The following PLCB1 variants were observed in gnomAD, a reference collection of about 807,000 sequenced individuals.
The protein encoded by PLCB1 is 1-phosphatidylinositol 4,5-bisphosphate phosphodiesterase beta-1.
A neutral mutation model predicts 161.8 loss-of-function variants in PLCB1; 46 were observed. That is an observed-to-expected ratio of 0.28 (90% CI 0.22 to 0.36). The LOEUF is 0.36. Ranked by LOEUF, PLCB1 falls within the 10% of genes least tolerant of loss-of-function variation. The pLI, the probability that PLCB1 is intolerant of heterozygous loss-of-function variation, is 1.00. For synonymous variants in PLCB1, 517 were observed against 503.7 expected (o/e 1.03, Z -0.35); for missense variants, 1,016 against 1,472.5 (o/e 0.69, Z 5.07).
intron 3 of PLCB1, among the ~76,000 whole-genome samples, chr20:8,604,532 T>C (rs1419896507): frequency 1.3e-5 from 2 of 152,160 alleles, no homozygotes; most frequent in Non-Finnish European, 2.9e-5. Flanking sequence ...AAGCTGTGAT[T>C]TGAGTGCTTT....
intron 2 of PLCB1, among the ~76,000 whole-genome samples, chr20:8,248,480 T>C (rs1980990761): frequency 1.3e-5 from 2 of 151,874 alleles, no homozygotes; most frequent in Admixed American, 1.3e-4. Flanking sequence ...ATGTAAAAGC[T>C]GGGAATGGGA....
chr20:8,542,183 C>T (rs1054564478), intron 3 of PLCB1, among the ~76,000 whole-genome samples: 2 of 152,126 alleles, frequency 1.3e-5, no homozygotes, highest in Admixed American at 6.6e-5. Context: ...GTCCGTGAAC[C>T]GATTTCCACG....
intron 2 of PLCB1, among the ~76,000 whole-genome samples, chr20:8,297,120 A>G (rs965031098): frequency 2.0e-5 from 3 of 152,234 alleles, no homozygotes; most frequent in Middle Eastern, 3.4e-3. Context: ...GTACATGTAC[A>G]CACAATATAT....
intron 5 of PLCB1, 73 bp from the exon 6 acceptor site, chr20:8,647,827 G>T: frequency 8.7e-7 from 1 of 1,144,168 alleles, no homozygotes; most frequent in Non-Finnish European, 1.3e-6. Flanking sequence ...GCTTTTTTGA[G>T]TGTATTTTAT....
intron 2 of PLCB1, among the ~76,000 whole-genome samples, chr20:8,287,656 C>G (rs1315183875): frequency 2.0e-5 from 3 of 152,172 alleles, no homozygotes; most frequent in Non-Finnish European, 4.4e-5. Flanking sequence ...GATGGATGTA[C>G]AAAGAATCAG....
At chr20:8,762,447 T>A (rs1982090996) in intron 25 of PLCB1, among the ~76,000 whole-genome samples, 1 of 152,210 alleles carries the variant, frequency 6.6e-6, no homozygotes, top group Admixed American at 6.5e-5. Flanking sequence ...AGGAACAGCC[T>A]CTCTCATCTA....
In PLCB1 at chr20:8,733,526, T is replaced by C. The variant is rs1242045982; in HGVS notation, c.2043+134T>C. The stretch of plus-strand genomic sequence containing the variant: ...ACTTTCTTCCTACATTTTTTTTCTC[T>C]AAAGATCAAATACACATTAAAAGTT... On this transcript the variant is annotated intron_variant, in intron 19 of 31. Coordinates refer to ENST00000338037, the MANE Select transcript of PLCB1 (RefSeq NM_015192.4). The C allele has an allele frequency of 5.1e-6, 4 of 788,776 alleles. No individual in the cohort carries two copies. The Admixed American group carries it at 1.1e-4, about 21-fold the overall frequency. The allele number at this position is 788,776 out of a possible 1,614,324, so 48.9% of individuals were successfully genotyped here. A position where few individuals can be genotyped will look rare whatever the true frequency, so the allele number is the denominator to read the frequency against.
intron 2 of PLCB1, among the ~76,000 whole-genome samples, chr20:8,178,351 G>A (rs190361415): frequency 1.3e-5 from 2 of 152,164 alleles, no homozygotes; most frequent in Non-Finnish European, 2.9e-5. Context: ...ACTGGTGTGA[G>A]ATGGTGTCTC....
At chr20:8,431,441 C>T (rs1257275444) in intron 3 of PLCB1, among the ~76,000 whole-genome samples, 1 of 152,122 alleles carries the variant, frequency 6.6e-6, no homozygotes, top group Non-Finnish European at 1.5e-5. Flanking sequence ...TTCTTTCGGA[C>T]AAAATGTATC....
intron 31 of PLCB1, among the ~76,000 whole-genome samples, chr20:8,828,134 G>A (rs1473256709): frequency 2.0e-5 from 3 of 152,060 alleles, no homozygotes; most frequent in Non-Finnish European, 4.4e-5. Context: ...TGATGGCTGT[G>A]GGATATCCTG....
intron 3 of PLCB1, among the ~76,000 whole-genome samples, chr20:8,585,180 T>C (rs1262875111): frequency 6.6e-6 from 1 of 152,218 alleles, no homozygotes; most frequent in Non-Finnish European, 1.5e-5. Context: ...CTCAGTATTA[T>C]AGCTCTAGGT....
In PLCB1 at chr20:8,641,451, G is replaced by C. The variant is rs145118138; in HGVS notation, c.385-4651G>C. On this transcript the variant is annotated intron_variant, in intron 4 of 31. Coordinates refer to ENST00000338037, the MANE Select transcript of PLCB1 (RefSeq NM_015192.4). Reference sequence around the variant, plus strand: ...ACCTATTTTATAAAAAAGAATGCGAGGCAGAACTATGAGATCCCACATAAG... The same window carrying C: ...ACCTATTTTATAAAAAAGAATGCGACGCAGAACTATGAGATCCCACATAAG... 2.6e-3 allele frequency among the ~76,000 whole-genome samples: 395 copies of C among 152,270 alleles called. 1 individual carries two copies. The highest frequency in any genetic ancestry group is 8.0e-3 in the African/African-American group (331 of 41,532).
intron 31 of PLCB1, among the ~76,000 whole-genome samples, chr20:8,858,738 T>A (rs1252424977): frequency 6.6e-6 from 1 of 152,086 alleles, no homozygotes; most frequent in Non-Finnish European, 1.5e-5. Context: ...AGCTCACAAG[T>A]CTTCCTTGCT....
chr20:8,577,646 A>G (rs1785685217), intron 3 of PLCB1, among the ~76,000 whole-genome samples: 1 of 152,138 alleles, frequency 6.6e-6, no homozygotes, highest in African/African-American at 2.4e-5. Flanking sequence ...CATTTAAAAC[A>G]TGTTTTAAAA....
At chr20:8,412,356 C>A (rs1300334488) in intron 3 of PLCB1, among the ~76,000 whole-genome samples, 1 of 152,194 alleles carries the variant, frequency 6.6e-6, no homozygotes, top group Non-Finnish European at 1.5e-5. Flanking sequence ...TACACAACCC[C>A]CTACTTGACC....
At chr20:8,667,413 A>G (rs1363418974) in intron 9 of PLCB1, among the ~76,000 whole-genome samples, 5 of 152,174 alleles carry the variant, frequency 3.3e-5, no homozygotes, top group Non-Finnish European at 7.3e-5. Context: ...AATGAAAAAA[A>G]AATTTTTCAA....
chr20:8,640,657 C>T (rs1988923371), intron 4 of PLCB1, among the ~76,000 whole-genome samples: 1 of 152,106 alleles, frequency 6.6e-6, no homozygotes, highest in Non-Finnish European at 1.5e-5. Context: ...TATGAGCACA[C>T]AATTAGCATT....
chr20:8,684,162 G>A (rs576633662), intron 9 of PLCB1, among the ~76,000 whole-genome samples: 1 of 152,030 alleles, frequency 6.6e-6, no homozygotes, highest in Admixed American at 6.6e-5. Context: ...GGGATTACAG[G>A]CGTGAGCCAC....
chr20:8,202,162 C>T (rs1048276469), intron 2 of PLCB1, among the ~76,000 whole-genome samples: 54 of 152,296 alleles, frequency 3.5e-4, no homozygotes, highest in African/African-American at 1.2e-3. Flanking sequence ...TTGCAAACTC[C>T]GCCTCCTGGG....
Sources: gnomAD v4.1 joint callset for allele counts (sites outside exome capture counted in the v4.1 genomes callset) on GRCh38, gnomAD v4.1.1 for gene constraint, MANE v1.5 for transcripts, NCBI Gene and HGNC (gene_info 2026-07-23, HGNC 2026-07-21) for gene names.